The following LARP4B variants were observed in gnomAD, a reference collection of about 807,000 sequenced individuals.
LARP4B encodes la-related protein 4B.
Under a neutral mutation model 89.8 loss-of-function variants are expected in LARP4B, and 12 were observed. That is an observed-to-expected ratio of 0.13 (90% CI 0.09 to 0.22). The LOEUF (loss-of-function observed/expected upper bound fraction) is 0.22, where lower values mean the gene tolerates loss of function less well. Among genes scored for constraint, LARP4B ranks in the 10% least tolerant of loss-of-function variants. The pLI, the probability that LARP4B is intolerant of heterozygous loss-of-function variation, is 1.00. For missense variants in LARP4B, 757 were observed against 947.7 expected (o/e 0.80, Z 2.64); for synonymous variants, 367 against 363.3 (o/e 1.01, Z -0.12).
chr10:821,347 C>G (rs1298280730), intron 13 of LARP4B, among the ~76,000 whole-genome samples: 2 of 152,230 alleles, frequency 1.3e-5, no homozygotes, highest in Non-Finnish European at 2.9e-5. Context: ...CCCCTTCCCA[C>G]GAAAACCACA....
the LARP4B span, among the ~76,000 whole-genome samples, chr10:947,624 T>C: frequency 6.6e-6 from 1 of 152,178 alleles, no homozygotes; most frequent in Non-Finnish European, 1.5e-5. Context: ...AGTTTTTTGT[T>C]TTGTTTTGTT....
At chr10:862,402 C>A (rs1339841611) in intron 5 of LARP4B, among the ~76,000 whole-genome samples, 5 of 152,160 alleles carry the variant, frequency 3.3e-5, no homozygotes, top group African/African-American at 1.2e-4. Flanking sequence ...TCTGGCCTCT[C>A]CAGCCCTGCC....
chr10:875,067 T>C (rs1051427390), intron 3 of LARP4B, among the ~76,000 whole-genome samples: 5 of 152,136 alleles, frequency 3.3e-5, no homozygotes, highest in Admixed American at 3.3e-4. Context: ...ACATTGACCA[T>C]ACTGTTATGC....
At chr10:971,410 T>C in the LARP4B span, 2 of 152,228 alleles carry the variant, frequency 1.3e-5, 1 homozygote, top group African/African-American at 4.8e-5. Context: ...TACTGTTACG[T>C]AATCCAGGGA....
rs1293979690 is a variant in LARP4B at position 814,731 on chromosome 10, G to A, written c.1929+11C>T. 26 of 1,581,716 alleles carry A rather than the reference G, an allele frequency of 1.6e-5. No homozygotes were observed. Among genetic ancestry groups the A allele is most frequent in the Admixed American group, 5.4e-5 (3 of 55,796 alleles). ...GGCTGTCGTGCAGGAAGGCAGGCAC[G>A]AGGTACGTACCGTGGCGGCTCCGTT... On this transcript the variant is annotated intron_variant, in intron 17 of 17. Coordinates refer to ENST00000316157, the MANE Select transcript of LARP4B (RefSeq NM_015155.3). The surrounding 1 kb of genome is among the most constrained non-coding windows in gnomAD (Gnocchi z 4.4).
rs1588898480 is a variant in LARP4B, at chr10:845,110, A to G, written c.431-55T>C. 51 of 1,304,246 alleles carry G rather than the reference A, an allele frequency of 3.9e-5. 1 individual carries two copies. The South Asian group carries it at 5.9e-4, about 15-fold the overall frequency. 80.8% of individuals were successfully genotyped at this position (1,304,246 alleles called of 1,614,324 possible). ...AACCGGCTTAAAATTTAGGAAGCAG[A>G]TAATTCAGTACAGCAGTTCTAATGC... On this transcript the variant is annotated intron_variant, in intron 5 of 17. Coordinates refer to ENST00000316157, the MANE Select transcript of LARP4B (RefSeq NM_015155.3).
intron 7 of LARP4B, 106 bp from the exon 8 acceptor site, chr10:836,612 C>T: frequency 1.4e-6 from 1 of 709,582 alleles, no homozygotes; most frequent in Non-Finnish European, 2.3e-6. Flanking sequence ...GCTAAAGAAA[C>T]CTGCAAATGG....
rs2131587696 is a variant in LARP4B, at chr10:812,941, G to T, written c.2202C>A (p.Pro734=). 6.5e-7 allele frequency: 1 copy of T among 1,546,700 alleles called. No homozygotes were observed. The highest frequency in any genetic ancestry group is 1.4e-5 in the African/African-American group (1 of 71,990). Residue 734 remains proline (P), a synonymous_variant, in exon 18 of 18, where the codon CCC becomes CCA. Coordinates refer to ENST00000316157, the MANE Select transcript of LARP4B (RefSeq NM_015155.3). ...CGTACGGTTTTCACTGAGGAGACTT[G>T]GGGGGAGTGCTCTGCTCTCGGCTGA... ...KRLSREQSTP[P]KSPQ
chr10:843,458 G>A (rs376730729), intron 6 of LARP4B, among the ~76,000 whole-genome samples: 7 of 152,162 alleles, frequency 4.6e-5, no homozygotes, highest in Non-Finnish European at 7.3e-5. Context: ...CAGCACTTTG[G>A]GGGGCCAAGG....
At chr10:890,845 T>C (rs1384176491) in intron 1 of LARP4B, among the ~76,000 whole-genome samples, 1 of 152,112 alleles carries the variant, frequency 6.6e-6, no homozygotes, top group Non-Finnish European at 1.5e-5. Context: ...AGAGAACAGA[T>C]GGATTCCATT....
In LARP4B at chr10:873,134, C is replaced by G. The variant is rs946973780; in HGVS notation, c.142-8864G>C. 9.1e-6 allele frequency: 9 copies of G among 985,256 alleles called. No homozygotes were observed. In the African/African-American group the frequency reaches 1.6e-4, roughly 17 times the overall value. The allele number at this position is 985,256 out of a possible 1,614,324, so 61.0% of individuals were successfully genotyped here. On this transcript the variant is annotated intron_variant, in intron 3 of 17. Transcript: ENST00000316157. Reference sequence around the variant, plus strand: ...GTCACTACTTAGTTCTCTGCTGAAGCAGCAGCCCATGTTTGAGAGCTCACA... The same window carrying G: ...GTCACTACTTAGTTCTCTGCTGAAGGAGCAGCCCATGTTTGAGAGCTCACA...
chr10:852,347 G>A (rs937395872), intron 5 of LARP4B, among the ~76,000 whole-genome samples: 1 of 152,148 alleles, frequency 6.6e-6, no homozygotes, highest in Non-Finnish European at 1.5e-5. Context: ...TATCACATTT[G>A]AAAAACAATT....
Position 829,376 on chromosome 10 carries a change from A to G in LARP4B, c.1125+9T>C. On this transcript the variant is annotated intron_variant, in intron 11 of 17. Transcript: ENST00000316157. ...TACAACATAAATTCCTAGTAAAGAA[A>G]TGACGTACCAAGGGTGGGTCAAGAT... The G allele has an allele frequency of 6.3e-7, 1 of 1,575,604 alleles. No individual in the cohort carries two copies. Among genetic ancestry groups the G allele is most frequent in the Non-Finnish European group, 8.6e-7 (1 of 1,160,344 alleles).
upstream of LARP4B, among the ~76,000 whole-genome samples, chr10:935,444 A>T (rs766662177): frequency 5.9e-5 from 9 of 152,168 alleles, no homozygotes; most frequent in Admixed American, 1.3e-4. Flanking sequence ...CCCAAATGTC[A>T]ACCACTGAAG....
At chr10:933,894 A>G (rs932924838), upstream of LARP4B, among the ~76,000 whole-genome samples, 33 of 151,348 alleles carry the variant, frequency 2.2e-4, no homozygotes, top group Non-Finnish European at 4.4e-4. Context: ...GTGCCGTGGC[A>G]TAATCTCGGC....
At chr10:890,463 T>C (rs1835980893) in intron 1 of LARP4B, among the ~76,000 whole-genome samples, 1 of 152,220 alleles carries the variant, frequency 6.6e-6, no homozygotes, top group Non-Finnish European at 1.5e-5. Flanking sequence ...GTCTGTGTAG[T>C]ACCAACGTCT....
chr10:873,341 C>T (rs1198274680), intron 3 of LARP4B: 1 of 985,460 alleles, frequency 1.0e-6, no homozygotes, highest in Non-Finnish European at 1.2e-6. Context: ...AGCCAGCATA[C>T]TCCGTGTGCC....
chr10:838,536 G>A (rs1188568953), intron 7 of LARP4B, among the ~76,000 whole-genome samples: 1 of 152,146 alleles, frequency 6.6e-6, no homozygotes, highest in African/African-American at 2.4e-5. Context: ...ATGTCATAGG[G>A]AATGCAAATT....
At chr10:820,940 A>C in intron 13 of LARP4B, 95 bp from the exon 14 acceptor site, 1 of 1,047,274 alleles carries the variant, frequency 9.5e-7, no homozygotes, top group East Asian at 2.4e-5. Context: ...AGTACACATC[A>C]ATTCAGTCTT....
Sources: gnomAD v4.1 joint callset for allele counts (sites outside exome capture counted in the v4.1 genomes callset) on GRCh38, gnomAD v4.1.1 for gene constraint, Gnocchi (gnomAD v3.1) non-coding constraint, MANE v1.5 for transcripts, NCBI Gene and HGNC (gene_info 2026-07-23, HGNC 2026-07-21) for gene names.